JAKMIP2: variants seen among roughly 807,000 people sequenced by gnomAD.
JAKMIP2 encodes the protein janus kinase and microtubule interacting protein 2.
A neutral mutation model predicts 115.0 loss-of-function variants in JAKMIP2; 25 were observed. That is an observed-to-expected ratio of 0.22 (90% CI 0.16 to 0.30). The LOEUF (loss-of-function observed/expected upper bound fraction) is 0.30, where lower values mean the gene tolerates loss of function less well. JAKMIP2 is among the 10% of genes least tolerant of loss of function. The pLI is 1.00. For synonymous variants in JAKMIP2, 334 were observed against 343.6 expected (o/e 0.97, Z 0.31); for missense variants, 642 against 957.6 (o/e 0.67, Z 4.35).
chr5:147,616,707 G>A (rs1581295351), intron 19 of JAKMIP2, among the ~76,000 whole-genome samples: 2 of 152,116 alleles, frequency 1.3e-5, no homozygotes, highest in East Asian at 3.9e-4. Flanking sequence ...CTTTCCATGG[G>A]TCAAAACTCA....
At chr5:147,772,083 G>T (rs1755379274) in intron 1 of JAKMIP2, among the ~76,000 whole-genome samples, 1 of 151,960 alleles carries the variant, frequency 6.6e-6, no homozygotes, top group South Asian at 2.1e-4. Flanking sequence ...TATAATATCT[G>T]CCCTGTCTTT....
chr5:147,690,538 ATTATATAT>A (rs1561540578), intron 1 of JAKMIP2, among the ~76,000 whole-genome samples: 1 of 96,426 alleles, frequency 1.0e-5, no homozygotes, highest in Non-Finnish European at 2.1e-5. Context: ...AACTAAAGAG[ATTATATAT>A]ATATATATAT....
chr5:147,601,656 A>G (rs1755707121), intron 21 of JAKMIP2, 85 bp downstream of exon 21: 14 of 802,080 alleles, frequency 1.7e-5, no homozygotes, highest in Admixed American at 3.5e-5. Context: ...ACAAAAAACT[A>G]AAGAAAGGCA....
chr5:147,673,594 C>T (rs1190794820), intron 1 of JAKMIP2, among the ~76,000 whole-genome samples: 2 of 152,182 alleles, frequency 1.3e-5, no homozygotes, highest in Non-Finnish European at 2.9e-5. Flanking sequence ...CACCACATTC[C>T]ATCCTGTGCT....
intron 14 of JAKMIP2, among the ~76,000 whole-genome samples, 198 bp downstream of exon 14, chr5:147,631,215 C>G (rs1757333086): frequency 6.6e-6 from 1 of 152,168 alleles, no homozygotes; most frequent in Non-Finnish European, 1.5e-5. Context: ...CTTCTGTTAT[C>G]ATTTGTATAT....
intron 18 of JAKMIP2, among the ~76,000 whole-genome samples, chr5:147,618,787 T>C (rs565588740): frequency 1.4e-4 from 21 of 152,160 alleles, no homozygotes; most frequent in East Asian, 5.8e-4. Context: ...AAGACAGCTC[T>C]TCATACATTT....
intron 1 of JAKMIP2, among the ~76,000 whole-genome samples, chr5:147,698,694 C>T (rs570997819): frequency 5.3e-5 from 8 of 152,270 alleles, no homozygotes; most frequent in African/African-American, 1.9e-4. Flanking sequence ...TGAGGAAGGA[C>T]GTGTTTGCTT....
At chr5:147,678,860 T>C (rs1054033539) in intron 1 of JAKMIP2, among the ~76,000 whole-genome samples, 2 of 152,174 alleles carry the variant, frequency 1.3e-5, no homozygotes, top group African/African-American at 4.8e-5. Context: ...AAAAATGTGA[T>C]GAATTCATGC....
intron 19 of JAKMIP2, among the ~76,000 whole-genome samples, chr5:147,614,667 G>A (rs551007286): frequency 3.3e-5 from 5 of 152,256 alleles, no homozygotes; most frequent in East Asian, 1.9e-4. Flanking sequence ...GAGTTTAAGC[G>A]GGTGGGGAAG....
intron 1 of JAKMIP2, among the ~76,000 whole-genome samples, chr5:147,691,886 C>T (rs1751876040): frequency 6.6e-6 from 1 of 151,848 alleles, no homozygotes; most frequent in South Asian, 2.1e-4. Flanking sequence ...ATGTGTTTGT[C>T]TCTGTGTCCT....
intron 1 of JAKMIP2, among the ~76,000 whole-genome samples, chr5:147,737,977 A>C (rs183313402): frequency 1.3e-5 from 2 of 152,144 alleles, no homozygotes; most frequent in Admixed American, 1.3e-4. Flanking sequence ...AGCTTGAACC[A>C]TTTACTTTCA....
At chr5:147,640,461 A>G (rs1355779956) in intron 9 of JAKMIP2, among the ~76,000 whole-genome samples, 2 of 152,184 alleles carry the variant, frequency 1.3e-5, no homozygotes, top group Non-Finnish European at 2.9e-5. Context: ...AGTAACTTTT[A>G]TTTTGAAAGA....
intron 3 of JAKMIP2, among the ~76,000 whole-genome samples, chr5:147,653,551 G>T (rs907958316): frequency 1.3e-5 from 2 of 150,636 alleles, no homozygotes; most frequent in African/African-American, 4.9e-5. Context: ...CCACTTTTTG[G>T]TGGAGTTGTT....
At chr5:147,625,847 C>A (rs1383993329) in intron 16 of JAKMIP2, among the ~76,000 whole-genome samples, 1 of 152,134 alleles carries the variant, frequency 6.6e-6, no homozygotes, top group Non-Finnish European at 1.5e-5. Context: ...AAAAGTATAC[C>A]TGTACTCCGT....
intron 1 of JAKMIP2, among the ~76,000 whole-genome samples, chr5:147,755,488 A>C (rs1436601567): frequency 6.6e-6 from 1 of 152,176 alleles, no homozygotes; most frequent in Non-Finnish European, 1.5e-5. Flanking sequence ...TGCCTGTCTC[A>C]GATACTTTTG....
At chr5:147,638,270 G>T (rs1481386146) in intron 10 of JAKMIP2, among the ~76,000 whole-genome samples, 1 of 151,742 alleles carries the variant, frequency 6.6e-6, no homozygotes, top group Non-Finnish European at 1.5e-5. Context: ...GACTTTAATG[G>T]TCAGAGAGAA....
intron 21 of JAKMIP2, among the ~76,000 whole-genome samples, chr5:147,596,091 G>A (rs950820637): frequency 6.6e-6 from 1 of 152,156 alleles, no homozygotes; most frequent in Non-Finnish European, 1.5e-5. Context: ...AAGGCAGGAA[G>A]GCACATGGTT....
intron 2 of JAKMIP2, among the ~76,000 whole-genome samples, chr5:147,663,394 C>T (rs1759134307): frequency 6.6e-6 from 1 of 152,142 alleles, no homozygotes; most frequent in Non-Finnish European, 1.5e-5. Context: ...AGACTAGACT[C>T]ACTTAGCCTC....
chr5:147,642,384 A>C (rs1352093570), intron 7 of JAKMIP2, among the ~76,000 whole-genome samples: 2 of 152,168 alleles, frequency 1.3e-5, no homozygotes, highest in Non-Finnish European at 2.9e-5. Context: ...GTTGCTGTGA[A>C]TAGAGATATC....
Sources: allele counts gnomAD v4.1 joint callset (sites outside exome capture counted in the v4.1 genomes callset), GRCh38; gene constraint gnomAD v4.1.1; transcripts MANE v1.5; gene names NCBI Gene and HGNC (gene_info 2026-07-23, HGNC 2026-07-21).